Variants in FMN2 observed in about 807,000 individuals in gnomAD.
FMN2 encodes formin 2.
In FMN2, 51 loss-of-function variants were observed where a neutral mutation model predicts 142.3. That is an observed-to-expected ratio of 0.36 (90% CI 0.29 to 0.45). FMN2 has a LOEUF of 0.45. Among genes scored for constraint, FMN2 ranks in the 20% least tolerant of loss-of-function variants. FMN2 has a pLI of 1.00. For synonymous variants in FMN2, 882 were observed against 869.8 expected (o/e 1.01, Z -0.25); for missense variants, 1,936 against 2,122.8 (o/e 0.91, Z 1.73).
intron 7 of FMN2, among the ~76,000 whole-genome samples, chr1:240,294,559 A>G (rs372273114): frequency 6.6e-6 from 1 of 152,218 alleles, no homozygotes; most frequent in East Asian, 1.9e-4. Context: ...GCTGTGAAAA[A>G]CAGACCTCAC....
rs374193544 is a variant in FMN2, at chr1:240,211,254, T to C, written c.4065+19T>C. On this transcript the variant is annotated intron_variant, in intron 6 of 17. Coordinates refer to ENST00000319653, the MANE Select transcript of FMN2 (RefSeq NM_020066.5). The stretch of plus-strand genomic sequence containing the variant: ...TAAACAAGTGAGTATTTTTGTGCTT[T>C]ATGAAATTGGACAGTGTTTCTGGCA... 9 of 1,606,232 alleles carry C rather than the reference T, an allele frequency of 5.6e-6. No homozygotes were observed. Among genetic ancestry groups the C allele is most frequent in the Non-Finnish European group, 7.6e-6 (9 of 1,177,606 alleles).
chr1:240,243,270 GA>G (rs1047063786), intron 6 of FMN2, among the ~76,000 whole-genome samples: 2 of 152,156 alleles, frequency 1.3e-5, no homozygotes, highest in African/African-American at 2.4e-5. Context: ...AGACAGTTCA[GA>G]AAAGGCTCAT....
chr1:240,410,347 A>C (rs529418504), intron 15 of FMN2, among the ~76,000 whole-genome samples: 1 of 152,230 alleles, frequency 6.6e-6, no homozygotes, highest in Non-Finnish European at 1.5e-5. Context: ...GAGTGGATCT[A>C]ACGATCTGAA....
chr1:240,199,474 C>A (rs1406722326), intron 4 of FMN2, among the ~76,000 whole-genome samples: 1 of 152,098 alleles, frequency 6.6e-6, no homozygotes, highest in African/African-American at 2.4e-5. Flanking sequence ...CTTAATGTTA[C>A]AGTAATGTTT....
intron 16 of FMN2, among the ~76,000 whole-genome samples, chr1:240,467,408 C>T (rs576795552): frequency 6.6e-6 from 1 of 151,980 alleles, no homozygotes; most frequent in African/African-American, 2.4e-5. Flanking sequence ...GCTGGGATTA[C>T]AGGCACCCAC....
intron 2 of FMN2, among the ~76,000 whole-genome samples, chr1:240,130,723 G>C (rs942112933): frequency 1.3e-5 from 2 of 152,100 alleles, no homozygotes; most frequent in African/African-American, 2.4e-5. Flanking sequence ...CAAAGTTTTC[G>C]ACTGCCTCTT....
chr1:240,326,285 A>G (rs6664970), intron 8 of FMN2, among the ~76,000 whole-genome samples: 22,187 of 152,106 alleles, frequency 0.15, 2,095 homozygotes, highest in African/African-American at 0.26. Context: ...TGACTTGCCA[A>G]AAAGTTTACT....
At chr1:240,422,004 G>T (rs1307655531) in intron 15 of FMN2, among the ~76,000 whole-genome samples, 1 of 152,130 alleles carries the variant, frequency 6.6e-6, no homozygotes, top group Admixed American at 6.5e-5. Context: ...CAGAGAGTGA[G>T]AACTGGACCT....
chr1:240,343,004 G>A (rs1315669239), intron 13 of FMN2, among the ~76,000 whole-genome samples: 1 of 152,126 alleles, frequency 6.6e-6, no homozygotes. Context: ...ATGGGAAAGA[G>A]CATGAGCAAA....
chr1:240,334,028 T>C, intron 12 of FMN2, 81 bp from the exon 13 acceptor site: 4 of 1,574,226 alleles, frequency 2.5e-6, no homozygotes, highest in Non-Finnish European at 3.4e-6. Flanking sequence ...TTGTTGTTTT[T>C]GTTTTGGACA....
intron 15 of FMN2, among the ~76,000 whole-genome samples, chr1:240,420,142 C>T (rs1674714665): frequency 6.6e-6 from 1 of 152,108 alleles, no homozygotes. Flanking sequence ...AGAAGAGCTC[C>T]AACTGCACTG....
At position 240,121,874 on chromosome 1, in the gene FMN2, C is replaced by G. The variant is rs1662273616; in HGVS notation, c.1616-1305C>G. On this transcript the variant is annotated intron_variant, in intron 1 of 17. Coordinates refer to ENST00000319653, the MANE Select transcript of FMN2 (RefSeq NM_020066.5). ...GACTTATTTTTATTTTGCTGGCCAG[C>G]TCTCTTCTTGTGGGTTGGTGCCTTT... is the stretch of plus-strand genomic sequence containing the variant. Among the ~76,000 whole-genome samples the G allele has an allele frequency of 2.7e-5, 4 of 149,768 alleles. No individual in the cohort carries two copies. The South Asian group carries it at 6.3e-4, about 24-fold the overall frequency.
chr1:240,429,389 G>A (rs1462086858), intron 15 of FMN2, among the ~76,000 whole-genome samples: 6 of 151,968 alleles, frequency 3.9e-5, no homozygotes, highest in African/African-American at 7.3e-5. Flanking sequence ...CCTGTATTCC[G>A]TCTTTTCATC....
chr1:240,155,919 A>G (rs1571996713), intron 2 of FMN2, among the ~76,000 whole-genome samples: 1 of 151,082 alleles, frequency 6.6e-6, no homozygotes, highest in East Asian at 1.9e-4. Flanking sequence ...AATAATGACT[A>G]AAACTTGGAA....
intron 4 of FMN2, among the ~76,000 whole-genome samples, chr1:240,196,389 T>C (rs529155023): frequency 1.3e-5 from 2 of 152,306 alleles, no homozygotes; most frequent in South Asian, 4.1e-4. Flanking sequence ...TTAGGCTGTG[T>C]GGTTTGCAGA....
chr1:240,257,657 A>C (rs748975414), intron 6 of FMN2, among the ~76,000 whole-genome samples: 2 of 152,202 alleles, frequency 1.3e-5, no homozygotes, highest in Admixed American at 6.5e-5. Flanking sequence ...TTCCTAGACC[A>C]TTAGAAATTT....
At chr1:240,413,072 G>A (rs1192432687) in intron 15 of FMN2, among the ~76,000 whole-genome samples, 14 of 126,288 alleles carry the variant, frequency 1.1e-4, no homozygotes, top group East Asian at 2.8e-4. Context: ...GCAGTGAGCC[G>A]AGATGGTGCC....
chr1:240,185,429 C>G (rs1318843691), intron 3 of FMN2, among the ~76,000 whole-genome samples: 4 of 152,106 alleles, frequency 2.6e-5, no homozygotes, highest in Admixed American at 6.5e-5. Flanking sequence ...TTTTAACACA[C>G]AGATTCAAAC....
chr1:240,412,708 A>G (rs9727770), intron 15 of FMN2, among the ~76,000 whole-genome samples: 4,966 of 152,232 alleles, frequency 0.033, 284 homozygotes, highest in African/African-American at 0.11. Context: ...AAGACCAGAC[A>G]TAGGGAGGCT....
Sources: gnomAD v4.1 joint callset for allele counts (sites outside exome capture counted in the v4.1 genomes callset) on GRCh38, gnomAD v4.1.1 for gene constraint, MANE v1.5 for transcripts, NCBI Gene and HGNC (gene_info 2026-07-23, HGNC 2026-07-21) for gene names.